CFAP299: variants seen among roughly 807,000 people sequenced by gnomAD.
CFAP299 encodes the protein cilia- and flagella-associated protein 299.
A neutral mutation model predicts 27.0 loss-of-function variants in CFAP299; 21 were observed. The observed-to-expected ratio is 0.78, with a 90% CI of 0.55 to 1.12. The LOEUF is 1.12. CFAP299 is among the 50% of genes most tolerant of loss of function. CFAP299 has a pLI of 0.00. For missense variants in CFAP299, 310 were observed against 276.6 expected, an observed-to-expected ratio of 1.12 and a Z score of -0.86; for synonymous variants, 104 against 98.1, an observed-to-expected ratio of 1.06 and a Z score of -0.36.
At chr4:80,396,887 G>T (rs1467929313) in intron 2 of CFAP299, among the ~76,000 whole-genome samples, 1 of 152,154 alleles carries the variant, frequency 6.6e-6, no homozygotes, top group Non-Finnish European at 1.5e-5. Flanking sequence ...GATGATGCTG[G>T]CCTCATAAAA....
At position 80,878,324 on chromosome 4, in the gene CFAP299, C is replaced by T. The variant is rs141424369; in HGVS notation, c.476+8189C>T. 3.4e-3 allele frequency among the ~76,000 whole-genome samples: 518 copies of T among 152,114 alleles called. 8 individuals carry two copies. The highest frequency in any genetic ancestry group is 0.012 in the African/African-American group (487 of 41,522). On this transcript the variant is annotated intron_variant, in intron 4 of 5. Transcript: ENST00000358105. ...ATTGTTTCCTTGTGGTAATATCTGACTCATTTCTCTTATCTGTGTATTTTC... is the reference window on the plus strand; with the variant it reads ...ATTGTTTCCTTGTGGTAATATCTGATTCATTTCTCTTATCTGTGTATTTTC...
intron 3 of CFAP299, among the ~76,000 whole-genome samples, chr4:80,735,362 G>A (rs935258885): frequency 6.6e-6 from 1 of 152,012 alleles, no homozygotes; most frequent in African/African-American, 2.4e-5. Flanking sequence ...TTTTCAAAAT[G>A]TGAGATCATA....
At chr4:80,615,167 C>T (rs1023803698) in intron 3 of CFAP299, among the ~76,000 whole-genome samples, 2 of 152,134 alleles carry the variant, frequency 1.3e-5, no homozygotes, top group Non-Finnish European at 2.9e-5. Flanking sequence ...AGAACTACAG[C>T]TGCTAATATT....
At chr4:80,625,831 G>C (rs1396650494) in intron 3 of CFAP299, among the ~76,000 whole-genome samples, 1 of 151,822 alleles carries the variant, frequency 6.6e-6, no homozygotes, top group Non-Finnish European at 1.5e-5. Context: ...TCAGCAAGAG[G>C]ATATAACAAT....
At chr4:80,856,164 T>C (rs1344536664) in intron 3 of CFAP299, among the ~76,000 whole-genome samples, 1 of 151,794 alleles carries the variant, frequency 6.6e-6, no homozygotes, top group Admixed American at 6.6e-5. Flanking sequence ...CCAGTGATGG[T>C]GAGCATTTTT....
rs1459948878 is a variant in CFAP299, at chr4:80,900,461, T to C, written c.476+30326T>C. Among the ~76,000 whole-genome samples the C allele has an allele frequency of 3.9e-5, 6 of 152,104 alleles. No homozygotes were observed. In the East Asian group the frequency reaches 1.2e-3, roughly 29 times the overall value. On this transcript the variant is annotated intron_variant, in intron 4 of 5. Coordinates refer to ENST00000358105, the MANE Select transcript of CFAP299 (RefSeq NM_152770.3). Reference sequence around the variant, plus strand: ...ACATGCCAGCATGTGTTAAAGCAAATAATTTGTCAAGACTAAGATCTAATT... The same window carrying C: ...ACATGCCAGCATGTGTTAAAGCAAACAATTTGTCAAGACTAAGATCTAATT...
intron 4 of CFAP299, among the ~76,000 whole-genome samples, chr4:80,898,261 A>G (rs1471973578): frequency 1.3e-5 from 2 of 152,082 alleles, no homozygotes; most frequent in Admixed American, 6.6e-5. Flanking sequence ...TGGTTTCAGC[A>G]GGATGGGGAG....
intron 3 of CFAP299, among the ~76,000 whole-genome samples, chr4:80,643,280 A>G (rs1219379737): frequency 6.6e-6 from 1 of 151,956 alleles, no homozygotes; most frequent in Admixed American, 6.6e-5. Flanking sequence ...TTTCTAAAGA[A>G]CTCTTTTGAG....
At chr4:80,561,946 T>C (rs986855876) in intron 2 of CFAP299, among the ~76,000 whole-genome samples, 2 of 152,064 alleles carry the variant, frequency 1.3e-5, no homozygotes, top group Non-Finnish European at 2.9e-5. Context: ...TACAACAACT[T>C]TTTAAGACAT....
At chr4:80,914,590 G>A (rs1049052869) in intron 4 of CFAP299, among the ~76,000 whole-genome samples, 2 of 152,138 alleles carry the variant, frequency 1.3e-5, no homozygotes, top group Non-Finnish European at 2.9e-5. Context: ...CTAATGTAGT[G>A]CTACATCATT....
chr4:80,537,443 C>T (rs1007737735), intron 2 of CFAP299, among the ~76,000 whole-genome samples: 4 of 152,214 alleles, frequency 2.6e-5, no homozygotes, highest in Admixed American at 2.6e-4. Flanking sequence ...CCTAAGTGTC[C>T]ACCAGTGCAT....
At chr4:80,784,224 T>A (rs1727106208) in intron 3 of CFAP299, among the ~76,000 whole-genome samples, 1 of 151,728 alleles carries the variant, frequency 6.6e-6, no homozygotes, top group African/African-American at 2.4e-5. Flanking sequence ...AAAAATATAG[T>A]CCTTTGTGTA....
chr4:80,798,070 T>G (rs1298740121), intron 3 of CFAP299, among the ~76,000 whole-genome samples: 2 of 152,154 alleles, frequency 1.3e-5, no homozygotes, highest in Non-Finnish European at 2.9e-5. Flanking sequence ...TCCATTTCCA[T>G]GCCTGTTCTC....
chr4:80,937,686 G>A (rs1417927191), intron 4 of CFAP299, among the ~76,000 whole-genome samples: 4 of 152,016 alleles, frequency 2.6e-5, no homozygotes, highest in African/African-American at 9.7e-5. Context: ...AATTGATTTA[G>A]TCACTCTCTA....
intron 2 of CFAP299, among the ~76,000 whole-genome samples, chr4:80,509,444 C>G (rs931302553): frequency 1.3e-5 from 2 of 152,140 alleles, no homozygotes; most frequent in Non-Finnish European, 2.9e-5. Context: ...ATACCAGAAT[C>G]TTTTGTTATC....
At chr4:80,850,327 CAAAAAG>C (rs1731445495) in intron 3 of CFAP299, among the ~76,000 whole-genome samples, 1 of 150,856 alleles carries the variant, frequency 6.6e-6, no homozygotes, top group African/African-American at 2.4e-5. Flanking sequence ...GAAGTAGAAA[CAAAAAG>C]AAAAACATTA....
At chr4:80,461,503 G>C (rs947911110) in intron 2 of CFAP299, among the ~76,000 whole-genome samples, 2 of 152,106 alleles carry the variant, frequency 1.3e-5, no homozygotes, top group African/African-American at 4.8e-5. Context: ...TACTGCTAAG[G>C]AGTGTTTGGT....
rs529405886 is a variant in CFAP299, at chr4:80,405,487, A to C, written c.242+42603A>C. 2.0e-3 allele frequency among the ~76,000 whole-genome samples: 312 copies of C among 152,350 alleles called. 2 individuals are homozygous for C. The highest frequency in any genetic ancestry group is 3.8e-3 in the Non-Finnish European group (259 of 68,034). On this transcript the variant is annotated intron_variant, in intron 2 of 5. Coordinates refer to ENST00000358105, the MANE Select transcript of CFAP299 (RefSeq NM_152770.3). ...CATTAATAACTTTTGAGGTCACTCA[A>C]ATATATAATTGACTTCATCTCAGAA...
intron 3 of CFAP299, among the ~76,000 whole-genome samples, chr4:80,830,668 G>A (rs1399865806): frequency 6.6e-6 from 1 of 152,080 alleles, no homozygotes; most frequent in East Asian, 1.9e-4. Flanking sequence ...TGGAATGTTA[G>A]ATCACTCTGG....
Sources: gnomAD v4.1 joint callset for allele counts (sites outside exome capture counted in the v4.1 genomes callset) on GRCh38, gnomAD v4.1.1 for gene constraint, MANE v1.5 for transcripts, NCBI Gene and HGNC (gene_info 2026-07-23, HGNC 2026-07-21) for gene names.